Variants in ARPP21 observed in about 807,000 individuals in gnomAD.
ARPP21 encodes cAMP-regulated phosphoprotein 21.
In ARPP21, 69 loss-of-function variants were observed where a neutral mutation model predicts 113.2. The ratio of observed to expected loss-of-function variants is 0.61; its 90% CI spans 0.50 to 0.74. ARPP21 has a LOEUF of 0.74. Ranked by LOEUF, ARPP21 falls within the 30% of genes least tolerant of loss-of-function variation. ARPP21 has a pLI of 0.00. For missense variants in ARPP21, 1,070 were observed against 1,037.4 expected (o/e 1.03, Z -0.43); for synonymous variants, 368 against 375.5 (o/e 0.98, Z 0.23).
At chr3:35,653,309 A>C (rs1373259365) in intron 1 of ARPP21, among the ~76,000 whole-genome samples, 2 of 152,002 alleles carry the variant, frequency 1.3e-5, no homozygotes, top group Non-Finnish European at 2.9e-5. Context: ...TTTTCTTTGT[A>C]ATATGAATTA....
At chr3:35,647,598 G>C (rs1024772755) in intron 1 of ARPP21, among the ~76,000 whole-genome samples, 1 of 152,132 alleles carries the variant, frequency 6.6e-6, no homozygotes, top group Non-Finnish European at 1.5e-5. Flanking sequence ...AGGGAAATAA[G>C]GGCTAAAAGT....
chr3:35,752,192 A>G (rs996564787), intron 19 of ARPP21, among the ~76,000 whole-genome samples: 3 of 152,046 alleles, frequency 2.0e-5, no homozygotes, highest in African/African-American at 7.2e-5. Flanking sequence ...AAACCAGGTC[A>G]GGGAATGTAT....
At chr3:35,731,039 A>C (rs959022547) in intron 15 of ARPP21, among the ~76,000 whole-genome samples, 4 of 152,340 alleles carry the variant, frequency 2.6e-5, no homozygotes, top group African/African-American at 9.6e-5. Context: ...TTTGGGCACT[A>C]ATCAAAGTAC....
chr3:35,761,419 T>G (rs1034000901), intron 19 of ARPP21, among the ~76,000 whole-genome samples: 17 of 152,122 alleles, frequency 1.1e-4, no homozygotes, highest in African/African-American at 3.6e-4. Context: ...AAAGAGCTTC[T>G]TCTTTATACA....
intron 10 of ARPP21, chr3:35,707,624 C>G (rs1026104987): frequency 4.6e-6 from 2 of 436,384 alleles, no homozygotes; most frequent in African/African-American, 4.0e-5. Flanking sequence ...CTTTTATCCC[C>G]TCTCCTTCCC....
In ARPP21 at chr3:35,681,820, T is replaced by C; in HGVS notation, c.69T>C (p.Thr23=). ...EEGGTEQETA[T]PENGIVKSES... Reference sequence around the variant, plus strand: ...GAGGGACTGAGCAGGAGACGGCCACTCCAGAGAACGGCATTGTTAAATCAG... The same window carrying C: ...GAGGGACTGAGCAGGAGACGGCCACCCCAGAGAACGGCATTGTTAAATCAG... The change falls in exon 3 of 21, where the codon ACT becomes ACC. Residue 23 remains threonine, a synonymous_variant. Transcript: ENST00000684406. 3 of 1,612,100 alleles carry C rather than the reference T, an allele frequency of 1.9e-6. No homozygotes were observed. In the Admixed American group the frequency reaches 5.0e-5, roughly 27 times the overall value.
Position 35,696,544 on chromosome 3 carries a change from T to C in ARPP21, c.686+5539T>C, listed in dbSNP as rs554931929. On this transcript the variant is annotated intron_variant, in intron 9 of 20. Coordinates refer to ENST00000684406, the MANE Select transcript of ARPP21 (RefSeq NM_001385562.1). ...CCACGTTGTGTTCCTTCATCTTTAG[T>C]TAGTTCCTGTCTTCTATCCCATTGT... 2.0e-5 allele frequency among the ~76,000 whole-genome samples: 3 copies of C among 150,898 alleles called. No individual in the cohort carries two copies. In the South Asian group the frequency reaches 6.2e-4, roughly 31 times the overall value.
chr3:35,737,387 G>A, intron 16 of ARPP21, 25 bp downstream of exon 16: 1 of 1,557,528 alleles, frequency 6.4e-7, no homozygotes. Context: ...GGAAGGCAGG[G>A]AAGGGAAGTA....
At chr3:35,783,703 T>C (rs1024767693) in intron 19 of ARPP21, among the ~76,000 whole-genome samples, 1 of 152,172 alleles carries the variant, frequency 6.6e-6, no homozygotes, top group African/African-American at 2.4e-5. Flanking sequence ...ATATTGCACC[T>C]TAAGTCTTTC....
chr3:35,658,990 A>C (rs1706365173), intron 1 of ARPP21, among the ~76,000 whole-genome samples: 1 of 152,174 alleles, frequency 6.6e-6, no homozygotes, highest in South Asian at 2.1e-4. Context: ...CAGAGGCATC[A>C]ATCCTCATAT....
chr3:35,726,778 C>T (rs964651321), intron 14 of ARPP21, among the ~76,000 whole-genome samples: 1 of 152,212 alleles, frequency 6.6e-6, no homozygotes, highest in African/African-American at 2.4e-5. Context: ...TTAGGACGTG[C>T]TCCCTTGGCC....
At chr3:35,644,986 T>C (rs1699652616) in intron 1 of ARPP21, among the ~76,000 whole-genome samples, 1 of 151,952 alleles carries the variant, frequency 6.6e-6, no homozygotes, top group South Asian at 2.1e-4. Flanking sequence ...GATACAATTG[T>C]AATTGCGACA....
chr3:35,769,936 G>A (rs549884293), intron 19 of ARPP21, among the ~76,000 whole-genome samples: 12 of 152,274 alleles, frequency 7.9e-5, no homozygotes, highest in African/African-American at 2.9e-4. Flanking sequence ...AATAAGAAGT[G>A]TACAACTCTT....
intron 19 of ARPP21, among the ~76,000 whole-genome samples, chr3:35,764,877 C>CTTTTTTTTTTTTTTTT: frequency 6.6e-6 from 1 of 152,054 alleles, no homozygotes; most frequent in Admixed American, 6.6e-5. Context: ...ATTTTACATT[C>CTTTTTTTTTTTTTTTT]TTATTGAGTG....
chr3:35,740,075 T>C (rs2094564794), intron 18 of ARPP21, among the ~76,000 whole-genome samples: 1 of 152,200 alleles, frequency 6.6e-6, no homozygotes, highest in Non-Finnish European at 1.5e-5. Context: ...TAAGCTGATA[T>C]CCACAGTCCT....
intron 19 of ARPP21, among the ~76,000 whole-genome samples, chr3:35,755,110 G>A (rs2095528618): frequency 6.6e-6 from 1 of 151,944 alleles, no homozygotes; most frequent in Non-Finnish European, 1.5e-5. Flanking sequence ...TTCCAAGAAT[G>A]TGATTTACCT....
rs1319339018 is a variant in ARPP21 at position 35,691,024 on chromosome 3, C to T, written c.686+19C>T. On this transcript the variant is annotated intron_variant, in intron 9 of 20. Transcript: ENST00000684406. Reference sequence around the variant, plus strand: ...CCAGAATGTAAGCCCCATCACTGTACTTATTTAGCATTTTCTTTTTCTCCT... The same window carrying T: ...CCAGAATGTAAGCCCCATCACTGTATTTATTTAGCATTTTCTTTTTCTCCT... 2 of 1,592,812 alleles carry T rather than the reference C, an allele frequency of 1.3e-6. No homozygotes were observed. The highest frequency in any genetic ancestry group is 1.7e-6 in the Non-Finnish European group (2 of 1,170,822).
intron 14 of ARPP21, among the ~76,000 whole-genome samples, chr3:35,723,641 C>T (rs1056415877): frequency 2.0e-5 from 3 of 152,136 alleles, no homozygotes; most frequent in African/African-American, 7.2e-5. Context: ...TTCCAGCACA[C>T]CAAAAGAGCT....
intron 19 of ARPP21, among the ~76,000 whole-genome samples, chr3:35,768,552 G>C (rs1342097184): frequency 6.6e-6 from 1 of 152,166 alleles, no homozygotes; most frequent in African/African-American, 2.4e-5. Context: ...ATAGTAGTGT[G>C]TCTTTGAAGA....
Sources: gnomAD v4.1 joint callset for allele counts (sites outside exome capture counted in the v4.1 genomes callset) on GRCh38, gnomAD v4.1.1 for gene constraint, MANE v1.5 for transcripts, NCBI Gene and HGNC (gene_info 2026-07-23, HGNC 2026-07-21) for gene names.